Variants in MLLT3 observed in about 807,000 individuals in gnomAD.
MLLT3 encodes the protein protein AF-9.
MLLT3 carries 4 observed loss-of-function variants against 53.2 expected under a neutral mutation model. The observed-to-expected ratio is 0.08, with a 90% CI of 0.04 to 0.17. The LOEUF (loss-of-function observed/expected upper bound fraction) is 0.17, where lower values mean the gene tolerates loss of function less well. Among genes scored for constraint, MLLT3 ranks in the 10% least tolerant of loss-of-function variants. The pLI is 1.00. For synonymous variants in MLLT3, 283 were observed against 230.6 expected, an observed-to-expected ratio of 1.23 and a Z score of -2.06; for missense variants, 569 against 684.0, an observed-to-expected ratio of 0.83 and a Z score of 1.87.
intron 2 of MLLT3, among the ~76,000 whole-genome samples, chr9:20,556,434 C>T (rs952786141): frequency 2.6e-5 from 4 of 152,088 alleles, no homozygotes; most frequent in African/African-American, 9.7e-5. Context: ...CCTGTAATCT[C>T]GGCACTTTGA....
intron 2 of MLLT3, among the ~76,000 whole-genome samples, chr9:20,560,551 A>T (rs1404723683): frequency 1.3e-5 from 2 of 152,128 alleles, no homozygotes; most frequent in Non-Finnish European, 2.9e-5. Flanking sequence ...AAATTAAAGA[A>T]TTTTTACAAA....
intron 2 of MLLT3, among the ~76,000 whole-genome samples, chr9:20,552,915 T>A (rs1313313621): frequency 6.6e-6 from 1 of 152,168 alleles, no homozygotes; most frequent in Non-Finnish European, 1.5e-5. Context: ...GTTTTTTATA[T>A]GCTTATCAAA....
At chr9:20,520,454 G>A (rs1818030021) in intron 2 of MLLT3, among the ~76,000 whole-genome samples, 1 of 151,932 alleles carries the variant, frequency 6.6e-6, no homozygotes, top group South Asian at 2.1e-4. Flanking sequence ...CACTTATTTC[G>A]AGTTACTTTG....
At position 20,620,819 on chromosome 9, in the gene MLLT3, T is replaced by G; in HGVS notation, c.28A>C (p.Lys10Gln). 1 of 1,613,928 alleles carries G rather than the reference T, an allele frequency of 6.2e-7. No homozygotes were observed. Among genetic ancestry groups the G allele is most frequent in the Non-Finnish European group, 8.5e-7 (1 of 1,179,976 alleles). Reference protein sequence around the residue: MASSCAVQVKLELGHRAQVR... With the variant: MASSCAVQVQLELGHRAQVR... Reference sequence around the variant, plus strand: ...TGGGCGCGGTGCCCCAGCTCCAGCTTCACCTGCACGGCACACTGCGGGCAG... The same window carrying G: ...TGGGCGCGGTGCCCCAGCTCCAGCTGCACCTGCACGGCACACTGCGGGCAG... The change falls in exon 2 of 11, where the codon AAG becomes CAG. Residue 10 changes from lysine (K) to glutamine (Q), a missense_variant. Lys to Gln is a moderately conservative substitution (Grantham distance 53). Transcript: ENST00000380338. The surrounding 1 kb of genome is among the most constrained non-coding windows in gnomAD (Gnocchi z 6.1).
At chr9:20,495,549 T>C (rs1253677990) in intron 2 of MLLT3, among the ~76,000 whole-genome samples, 2 of 152,160 alleles carry the variant, frequency 1.3e-5, no homozygotes, top group African/African-American at 2.4e-5. Context: ...CCTTTCCACA[T>C]AGATTTAGAA....
At chr9:20,389,453 G>A (rs1822130593) in intron 5 of MLLT3, among the ~76,000 whole-genome samples, 1 of 152,106 alleles carries the variant, frequency 6.6e-6, no homozygotes, top group Non-Finnish European at 1.5e-5. Context: ...GTATTGTGGG[G>A]ATAGCTGCAC....
chr9:20,415,433 T>TA, intron 4 of MLLT3: 1 of 966,260 alleles, frequency 1.0e-6, no homozygotes, highest in South Asian at 4.8e-5. Flanking sequence ...AGTCCATACT[T>TA]ACCATATTTG....
chr9:20,347,932 A>G (rs1234343906), intron 10 of MLLT3, among the ~76,000 whole-genome samples: 1 of 152,194 alleles, frequency 6.6e-6, no homozygotes, highest in African/African-American at 2.4e-5. Context: ...TCTTACAATT[A>G]GCTTTCTTTT....
At chr9:20,393,261 G>C (rs975594521) in intron 5 of MLLT3, among the ~76,000 whole-genome samples, 1 of 152,186 alleles carries the variant, frequency 6.6e-6, no homozygotes, top group East Asian at 1.9e-4. Flanking sequence ...GTAGGACCTA[G>C]TGACAGCCAC....
In MLLT3 at chr9:20,429,456, T is replaced by A. The variant is rs1023358832; in HGVS notation, c.421-15031A>T. 3.3e-5 allele frequency among the ~76,000 whole-genome samples: 5 copies of A among 151,720 alleles called. No individual in the cohort carries two copies. In the South Asian group the frequency reaches 1.0e-3, roughly 32 times the overall value. ...AAGCAACAAATCCTACCAAGAAGAGTAAGAAAAAGAAGCATATGGCCTAAT... is the reference window on the plus strand; with the variant it reads ...AAGCAACAAATCCTACCAAGAAGAGAAAGAAAAAGAAGCATATGGCCTAAT... On this transcript the variant is annotated intron_variant, in intron 4 of 10. Transcript: ENST00000380338.
At position 20,342,272 on chromosome 9, in the gene MLLT3, A is replaced by G. The variant is rs372831758; in HGVS notation, c.*4171T>C. The G allele has an allele frequency of 8.9e-4, 198 of 223,124 alleles. No individual in the cohort carries two copies. The highest frequency in any genetic ancestry group is 4.0e-3 in the African/African-American group (179 of 44,944). 13.8% of individuals were successfully genotyped at this position (223,124 alleles called of 1,614,324 possible). ...TATCAATCTGTACTTACATTTCAAC[A>G]TGGATTTTAGAGAAGGGAAATACAT... On this transcript the variant is annotated 3_prime_UTR_variant, in exon 11 of 11. Transcript: ENST00000380338.
intron 2 of MLLT3, among the ~76,000 whole-genome samples, chr9:20,529,253 T>C (rs961301918): frequency 6.6e-6 from 1 of 152,192 alleles, no homozygotes; most frequent in Non-Finnish European, 1.5e-5. Context: ...AATAACAAAA[T>C]AGGATGGAGA....
intron 2 of MLLT3, among the ~76,000 whole-genome samples, chr9:20,537,181 A>G (rs1278361527): frequency 6.6e-6 from 1 of 152,226 alleles, no homozygotes; most frequent in Non-Finnish European, 1.5e-5. Context: ...ACATTCTGAA[A>G]TAGGTTGAAA....
At chr9:20,551,692 A>G (rs1818930040) in intron 2 of MLLT3, among the ~76,000 whole-genome samples, 2 of 152,208 alleles carry the variant, frequency 1.3e-5, no homozygotes, top group African/African-American at 2.4e-5. Flanking sequence ...TATTTAATAG[A>G]GTGCTAACTA....
intron 2 of MLLT3, among the ~76,000 whole-genome samples, chr9:20,560,964 T>C (rs1819194384): frequency 6.6e-6 from 1 of 152,164 alleles, no homozygotes; most frequent in South Asian, 2.1e-4. Flanking sequence ...TTTGAAATAT[T>C]AGACACTATC....
chr9:20,402,592 T>C (rs747438844), intron 5 of MLLT3, among the ~76,000 whole-genome samples: 2 of 152,190 alleles, frequency 1.3e-5, no homozygotes, highest in Non-Finnish European at 1.5e-5. Context: ...ATGTTTTTAT[T>C]ATGAAACAAT....
intron 2 of MLLT3, among the ~76,000 whole-genome samples, chr9:20,482,424 C>T (rs940601304): frequency 5.9e-5 from 9 of 152,170 alleles, no homozygotes; most frequent in Non-Finnish European, 1.2e-4. Flanking sequence ...TTCTTTAGCT[C>T]TTGTCTACAA....
At chr9:20,493,558 C>T (rs946493040) in intron 2 of MLLT3, among the ~76,000 whole-genome samples, 6 of 151,950 alleles carry the variant, frequency 3.9e-5, no homozygotes, top group Non-Finnish European at 5.9e-5. Flanking sequence ...AAAAGCATTA[C>T]ACATAGATGC....
At chr9:20,351,644 T>C (rs1053922683) in intron 10 of MLLT3, among the ~76,000 whole-genome samples, 2 of 152,134 alleles carry the variant, frequency 1.3e-5, no homozygotes, top group African/African-American at 4.8e-5. Flanking sequence ...TCAGGCCAGA[T>C]TTTTGGATAG....
Sources: allele counts gnomAD v4.1 joint callset (sites outside exome capture counted in the v4.1 genomes callset), GRCh38; gene constraint gnomAD v4.1.1; non-coding constraint Gnocchi (gnomAD v3.1); transcripts MANE v1.5; gene names NCBI Gene and HGNC (gene_info 2026-07-23, HGNC 2026-07-21).